MDGA2: variants seen among roughly 807,000 people sequenced by gnomAD.
MDGA2 encodes the protein MAM domain containing glycosylphosphatidylinositol anchor 2.
Under a neutral mutation model 117.8 loss-of-function variants are expected in MDGA2, and 40 were observed. The observed-to-expected ratio is 0.34, with a 90% CI of 0.26 to 0.44. The LOEUF is 0.44. Ranked by LOEUF, MDGA2 falls within the 20% of genes least tolerant of loss-of-function variation. The pLI is 1.00. For synonymous variants in MDGA2, 452 were observed against 439.0 expected, an observed-to-expected ratio of 1.03 and a Z score of -0.37; for missense variants, 1,123 against 1,250.6, an observed-to-expected ratio of 0.90 and a Z score of 1.54.
In MDGA2 at chr14:47,097,031, G is replaced by A. The variant is rs757452626; in HGVS notation, c.1018C>T (p.Pro340Ser). 1 of 1,613,238 alleles carries A rather than the reference G, an allele frequency of 6.2e-7. No individual in the cohort carries two copies. Among genetic ancestry groups the A allele is most frequent in the Non-Finnish European group, 8.5e-7 (1 of 1,179,442 alleles). The stretch of plus-strand genomic sequence containing the variant: ...CTGACCCAGGTGAGAGAAGGTGCAG[G>A]CTCTCCTCCTGTTGTAACACATACT... The part of the protein sequence containing the change: ...TLVCVTTGGE[P>S]APSLTWVRSF... Residue 340 changes from proline to serine, a missense_variant, in exon 6 of 17, where the codon CCT becomes TCT. Pro to Ser is a moderately conservative substitution (Grantham distance 74). Transcript: ENST00000399232.
rs1889276847 is a variant in MDGA2, at chr14:47,301,323, T to C, written c.420+88A>G. 2.9e-6 allele frequency: 4 copies of C among 1,401,654 alleles called. No individual in the cohort carries two copies. In the Admixed American group the frequency reaches 8.2e-5, roughly 29 times the overall value. The allele number at this position is 1,401,654 out of a possible 1,614,324, so 86.8% of individuals were successfully genotyped here. On this transcript the variant is annotated intron_variant, in intron 2 of 16. Coordinates refer to ENST00000399232, the MANE Select transcript of MDGA2 (RefSeq NM_001113498.3). The stretch of plus-strand genomic sequence containing the variant: ...CACACACACACACACACACACACAG[T>C]TTTAGCTAAATATTCTAAAATATAC...
intron 1 of MDGA2, among the ~76,000 whole-genome samples, chr14:47,505,364 T>C (rs955134690): frequency 3.9e-5 from 6 of 152,142 alleles, no homozygotes; most frequent in Non-Finnish European, 8.8e-5. Context: ...TTGAATGTTC[T>C]CACCGCAAAA....
At chr14:46,934,764 G>A (rs1884715310) in intron 9 of MDGA2, among the ~76,000 whole-genome samples, 1 of 152,006 alleles carries the variant, frequency 6.6e-6, no homozygotes, top group Admixed American at 6.6e-5. Context: ...TAAGAACGCA[G>A]AAAGAACACA....
At chr14:47,213,934 C>T (rs550678674) in intron 3 of MDGA2, among the ~76,000 whole-genome samples, 7 of 152,072 alleles carry the variant, frequency 4.6e-5, no homozygotes, top group African/African-American at 7.2e-5. Context: ...GCAAGTCGGC[C>T]GTGCTGAGCA....
intron 5 of MDGA2, among the ~76,000 whole-genome samples, chr14:47,115,953 G>C (rs755519723): frequency 9.2e-5 from 14 of 151,904 alleles, no homozygotes; most frequent in Non-Finnish European, 2.1e-4. Context: ...CAAGAAAAAA[G>C]AATAGGAGGC....
intron 3 of MDGA2, among the ~76,000 whole-genome samples, chr14:47,161,388 C>T (rs537051723): frequency 6.6e-6 from 1 of 152,054 alleles, no homozygotes; most frequent in South Asian, 2.1e-4. Flanking sequence ...CAACGATTAT[C>T]CAGGTATGTT....
chr14:47,457,812 G>GTTTTTTTTTTTTT (rs34337535), intron 1 of MDGA2, among the ~76,000 whole-genome samples: 5 of 143,590 alleles, frequency 3.5e-5, no homozygotes, highest in East Asian at 2.0e-4. Flanking sequence ...ATTTTTTTCT[G>GTTTTTTTTTTTTT]TTTTTTTTTT....
intron 1 of MDGA2, among the ~76,000 whole-genome samples, chr14:47,619,720 C>T (rs924653616): frequency 2.6e-5 from 4 of 152,154 alleles, no homozygotes; most frequent in African/African-American, 7.2e-5. Context: ...CTGGTACTGA[C>T]GTTTTAAAAG....
At chr14:47,008,765 T>C (rs979482207) in intron 8 of MDGA2, among the ~76,000 whole-genome samples, 5 of 151,972 alleles carry the variant, frequency 3.3e-5, no homozygotes, top group Non-Finnish European at 7.4e-5. Context: ...AAATGCTTTA[T>C]ACATATAATT....
rs1446790252 is a variant in MDGA2, at chr14:47,183,408, T to C, written c.595+34613A>G. Reference sequence around the variant, plus strand: ...CACATTATAGCGAGAAAGAGCTTTCTATATTCCAATTTTGACATTTCAATA... The same window carrying C: ...CACATTATAGCGAGAAAGAGCTTTCCATATTCCAATTTTGACATTTCAATA... On this transcript the variant is annotated intron_variant, in intron 3 of 16. Coordinates refer to ENST00000399232, the MANE Select transcript of MDGA2 (RefSeq NM_001113498.3). Among the ~76,000 whole-genome samples the C allele has an allele frequency of 7.2e-5, 11 of 152,112 alleles. No individual in the cohort carries two copies. The East Asian group carries it at 2.1e-3, about 29-fold the overall frequency.
chr14:47,025,897 G>GCTATA (rs1888456072), intron 8 of MDGA2, among the ~76,000 whole-genome samples: 3 of 152,046 alleles, frequency 2.0e-5, no homozygotes, highest in Admixed American at 2.0e-4. Context: ...AGGAGTGGAA[G>GCTATA]GGCATGTTGG....
chr14:47,651,381 G>A (rs1365873070), intron 1 of MDGA2, among the ~76,000 whole-genome samples: 9 of 152,052 alleles, frequency 5.9e-5, no homozygotes, highest in Admixed American at 4.6e-4. Context: ...AGAACTTAGC[G>A]CTTCCGTGGG....
At chr14:47,657,292 A>G (rs764891932) in intron 1 of MDGA2, among the ~76,000 whole-genome samples, 1 of 152,192 alleles carries the variant, frequency 6.6e-6, no homozygotes, top group Admixed American at 6.5e-5. Flanking sequence ...AGCAATAGCA[A>G]TTGGAATCAG....
chr14:47,359,382 C>T (rs7161405), intron 1 of MDGA2, among the ~76,000 whole-genome samples: 1 of 151,450 alleles, frequency 6.6e-6, no homozygotes, highest in Non-Finnish European at 1.5e-5. Context: ...AACAAACAAA[C>T]AAAAAACATT....
intron 1 of MDGA2, among the ~76,000 whole-genome samples, chr14:47,363,317 G>C (rs2138375137): frequency 6.6e-6 from 1 of 152,126 alleles, no homozygotes; most frequent in South Asian, 2.1e-4. Context: ...AAGTGCAGTG[G>C]CACGATCTCA....
chr14:46,982,512 C>T (rs1886712217), intron 8 of MDGA2, among the ~76,000 whole-genome samples: 1 of 151,430 alleles, frequency 6.6e-6, no homozygotes, highest in Non-Finnish European at 1.5e-5. Context: ...AGATAGAGAC[C>T]ATCCTGGCCA....
At chr14:47,062,246 C>G (rs1594579989) in intron 6 of MDGA2, among the ~76,000 whole-genome samples, 1 of 151,424 alleles carries the variant, frequency 6.6e-6, no homozygotes, top group East Asian at 1.9e-4. Flanking sequence ...TGTTGGCTCT[C>G]TAATGCGGAT....
chr14:47,415,186 G>T (rs535013383), intron 1 of MDGA2, among the ~76,000 whole-genome samples: 3 of 152,074 alleles, frequency 2.0e-5, no homozygotes, highest in Admixed American at 6.6e-5. Flanking sequence ...TATAATTTTG[G>T]TTGCTAACAT....
intron 3 of MDGA2, among the ~76,000 whole-genome samples, chr14:47,173,255 T>G (rs1253629794): frequency 6.6e-6 from 1 of 152,042 alleles, no homozygotes; most frequent in Non-Finnish European, 1.5e-5. Flanking sequence ...ACTTCCCCAA[T>G]CTAGCAAGGC....
Sources: allele counts gnomAD v4.1 joint callset (sites outside exome capture counted in the v4.1 genomes callset), GRCh38; gene constraint gnomAD v4.1.1; transcripts MANE v1.5; gene names NCBI Gene and HGNC (gene_info 2026-07-23, HGNC 2026-07-21).